The following GON4L variants were observed in gnomAD, a reference collection of about 807,000 sequenced individuals.
GON4L encodes the protein GON-4-like protein.
GON4L carries 87 observed loss-of-function variants against 211.8 expected under a neutral mutation model. The observed-to-expected ratio is 0.41, with a 90% CI of 0.35 to 0.49. The LOEUF (loss-of-function observed/expected upper bound fraction) is 0.49, where lower values mean the gene tolerates loss of function less well. Ranked by LOEUF, GON4L falls within the 20% of genes least tolerant of loss-of-function variation. GON4L has a pLI of 0.15. For synonymous variants in GON4L, 875 were observed against 962.6 expected (o/e 0.91, Z 1.68); for missense variants, 2,155 against 2,659.5 (o/e 0.81, Z 4.17).
chr1:155,851,868 C>T (rs1467428322), intron 2 of GON4L, among the ~76,000 whole-genome samples: 2 of 151,484 alleles, frequency 1.3e-5, no homozygotes, highest in Non-Finnish European at 2.9e-5. Context: ...CAATCTACTA[C>T]TCTAAAGTCA....
At chr1:155,806,662 G>T (rs1667154860) in intron 10 of GON4L, among the ~76,000 whole-genome samples, 1 of 152,072 alleles carries the variant, frequency 6.6e-6, no homozygotes, top group Non-Finnish European at 1.5e-5. Context: ...GTGACAGTGA[G>T]ACACGTACCA....
intron 6 of GON4L, among the ~76,000 whole-genome samples, chr1:155,816,654 T>C (rs1668262813): frequency 6.6e-6 from 1 of 152,070 alleles, no homozygotes; most frequent in South Asian, 2.1e-4. Flanking sequence ...AATATATTTT[T>C]GTAATCAGTT....
chr1:155,820,560 T>A, intron 6 of GON4L, 46 bp downstream of exon 6: 1 of 1,310,284 alleles, frequency 7.6e-7, no homozygotes, highest in Non-Finnish European at 1.1e-6. Flanking sequence ...TAGATCCTAT[T>A]CACCAAGCTA....
chr1:155,813,488 A>G, intron 10 of GON4L, 146 bp downstream of exon 10: 1 of 702,676 alleles, frequency 1.4e-6, no homozygotes, highest in Non-Finnish European at 2.5e-6. Flanking sequence ...TTTGAGCAGA[A>G]AATAGCACTA....
At chr1:155,784,358 CTTTTTTTTTTTTTTTTTTTTTTTT>C (rs869034483) in intron 13 of GON4L, 250 of 104,130 alleles carry the variant, frequency 2.4e-3, no homozygotes, top group East Asian at 0.011. Flanking sequence ...TCTCTCTCTC[CTTTTTTTTTTTTTTTTTTTTTTTT>C]TTTTTTTTTT....
intron 12 of GON4L, among the ~76,000 whole-genome samples, chr1:155,788,524 T>C (rs1665185166): frequency 6.6e-6 from 1 of 152,134 alleles, no homozygotes; most frequent in Non-Finnish European, 1.5e-5. Context: ...AATGAAGCAT[T>C]TCCACAAAGA....
At chr1:155,827,380 A>C (rs576492857) in intron 2 of GON4L, among the ~76,000 whole-genome samples, 3 of 152,204 alleles carry the variant, frequency 2.0e-5, no homozygotes, top group Non-Finnish European at 2.9e-5. Flanking sequence ...AAATGCCCTG[A>C]CTTTGTAAAT....
chr1:155,765,557 G>A lies in GON4L; in HGVS notation c.3916C>T (p.Pro1306Ser), dbSNP rs775318160. ...TTTAGAGACTCCTGGATGCCCTGAGGGAGCGGCTCCAGAGCTTGCCTCCCC... is the reference window on the plus strand; with the variant it reads ...TTTAGAGACTCCTGGATGCCCTGAGAGAGCGGCTCCAGAGCTTGCCTCCCC... The part of the protein sequence containing the change: ...EEGRQALEPL[P>S]QGIQESLNNP... The change falls in exon 21 of 32, where the codon CCT becomes TCT. Residue 1306 changes from proline (P) to serine (S), a missense_variant. By Grantham distance (74) the Pro-to-Ser change is moderately conservative. This residue lies in a region of GON4L where 615 missense variants were observed against 625.7 expected (regional missense o/e 0.98). Coordinates refer to ENST00000368331, the MANE Select transcript of GON4L (RefSeq NM_001282860.2). The A allele has an allele frequency of 6.2e-7, 1 of 1,614,106 alleles. No homozygotes were observed. The highest frequency in any genetic ancestry group is 8.5e-7 in the Non-Finnish European group (1 of 1,180,028).
chr1:155,820,672 C>A lies in GON4L; in HGVS notation c.964-16G>T, dbSNP rs767622091. 7.5e-6 allele frequency: 12 copies of A among 1,590,240 alleles called. No homozygotes were observed. Among genetic ancestry groups the A allele is most frequent in the Non-Finnish European group, 1.0e-5 (12 of 1,158,808 alleles). ...TTTTAGGCTCCTAAGGAGAAAAAAA[C>A]AGAAAGGAAATCCTCAATAAAAATC... On this transcript the variant is annotated splice_polypyrimidine_tract_variant and intron_variant, in intron 5 of 31. Transcript: ENST00000368331.
chr1:155,780,201 T>A (rs1664279467), intron 14 of GON4L, among the ~76,000 whole-genome samples: 1 of 152,214 alleles, frequency 6.6e-6, no homozygotes, highest in Non-Finnish European at 1.5e-5. Flanking sequence ...CTATCATTAC[T>A]TTAGTTATTT....
intron 2 of GON4L, among the ~76,000 whole-genome samples, chr1:155,851,671 ACG>A (rs1283389128): frequency 6.7e-6 from 1 of 150,240 alleles, no homozygotes; most frequent in East Asian, 2.0e-4. Context: ...AGCTGAGATC[ACG>A]CCACTGTACT....
chr1:155,814,402 C>T lies in GON4L; in HGVS notation c.1209G>A (p.Gly403=), dbSNP rs748595968. 12 of 1,612,986 alleles carry T rather than the reference C, an allele frequency of 7.4e-6. No individual in the cohort carries two copies. In the Admixed American group the frequency reaches 2.0e-4, roughly 27 times the overall value. Residue 403 remains glycine, a synonymous_variant, in exon 9 of 32, where the codon GGG becomes GGA. Transcript: ENST00000368331. ...DVESTASSPR[G]AKKSRLRQSS... ...ACTGCCTCAATCTGGATTTCTTTGC[C>T]CCACGTGGAGATGAAGCAGTGCTTT...
chr1:155,749,233 C>A, downstream of GON4L: 1 of 1,521,470 alleles, frequency 6.6e-7, no homozygotes, highest in Non-Finnish European at 8.9e-7. Context: ...GTCTGGGCAA[C>A]AAGAGCAAAA....
rs751998632 is a variant in GON4L at position 155,766,516 on chromosome 1, G to A, written c.2957C>T (p.Thr986Ile). The change falls in exon 21 of 32, where the codon ACC (threonine) becomes ATC (isoleucine). Residue 986 changes from threonine to isoleucine, a missense_variant. Thr to Ile is a moderately conservative substitution (Grantham distance 89). This residue lies in a region of GON4L where 615 missense variants were observed against 625.7 expected (regional missense o/e 0.98). Coordinates refer to ENST00000368331, the MANE Select transcript of GON4L (RefSeq NM_001282860.2). ...GVVLKLKPVA[T>I]RFPRKAWRQK... ...TCTCCAAGCCTTCCTGGGGAAACGG[G>A]TGGCAACTGGCTTCAGTTTCAGGAC... The A allele has an allele frequency of 3.7e-6, 6 of 1,613,980 alleles. No homozygotes were observed. The highest frequency in any genetic ancestry group is 5.1e-6 in the Non-Finnish European group (6 of 1,180,030).
intron 2 of GON4L, among the ~76,000 whole-genome samples, chr1:155,852,508 A>G (rs1382598652): frequency 2.0e-5 from 3 of 152,132 alleles, no homozygotes; most frequent in South Asian, 2.1e-4. Context: ...TTGGGAGGCC[A>G]AGGCGGGCGG....
Position 155,805,079 on chromosome 1 carries a change from G to A in GON4L, c.1515C>T (p.Pro505=). The A allele has an allele frequency of 1.2e-6, 2 of 1,613,592 alleles. No individual in the cohort carries two copies. The highest frequency in any genetic ancestry group is 1.7e-6 in the Non-Finnish European group (2 of 1,179,588). The part of the protein sequence containing the change: ...TRSKMPLKDV[P]LGQLEAELQA... ...GGAGCTCTGCCTCTAATTGGCCCAGGGGAACATCTTTCAGGGGCATCTTAG... is the reference window on the plus strand; with the variant it reads ...GGAGCTCTGCCTCTAATTGGCCCAGAGGAACATCTTTCAGGGGCATCTTAG... The change falls in exon 11 of 32, where the codon CCC becomes CCT. Residue 505 remains proline (P), a synonymous_variant. Transcript: ENST00000368331.
In GON4L at chr1:155,765,389, T is replaced by C. The variant is rs1662342388; in HGVS notation, c.4084A>G (p.Ser1362Gly). The C allele has an allele frequency of 6.2e-7, 1 of 1,614,082 alleles. No individual in the cohort carries two copies. Among genetic ancestry groups the C allele is most frequent in the South Asian group, 1.1e-5 (1 of 91,092 alleles). ...HAVELDTGAP[S>G]EELSSAGEVT... ...TCTCCAGCACTGCTCAACTCCTCGC[T>C]TGGGGCACCAGTGTCCAATTCCACA... Residue 1362 changes from serine (S) to glycine (G), a missense_variant, in exon 21 of 32, where the codon AGC (serine) becomes GGC (glycine). By Grantham distance (56) the Ser-to-Gly change is moderately conservative. Transcript: ENST00000368331.
At position 155,765,597 on chromosome 1, in the gene GON4L, A is replaced by T. The variant is rs1331833177; in HGVS notation, c.3876T>A (p.Val1292=). 3 of 1,614,032 alleles carry T rather than the reference A, an allele frequency of 1.9e-6. No homozygotes were observed. The East Asian group carries it at 6.7e-5, about 36-fold the overall frequency. ...LSENSACRWT[V]VKTEEGRQAL... ...CTTGCCTCCCCTCCTCTGTTTTCAC[A>T]ACGGTCCAGCGACAGGCACTATTCT... The change falls in exon 21 of 32, where the codon GTT becomes GTA. Residue 1292 remains valine (V), a synonymous_variant. Transcript: ENST00000368331.
At chr1:155,746,907 C>T (rs763101019), downstream of GON4L, 4 of 1,597,128 alleles carry the variant, frequency 2.5e-6, no homozygotes, top group Non-Finnish European at 3.4e-6. Flanking sequence ...TAACCCGGTG[C>T]CACAACCTGA....
Sources: allele counts gnomAD v4.1 joint callset (sites outside exome capture counted in the v4.1 genomes callset), GRCh38; gene constraint gnomAD v4.1.1; regional missense constraint gnomAD v4.1.1; transcripts MANE v1.5; gene names NCBI Gene and HGNC (gene_info 2026-07-23, HGNC 2026-07-21).